Variants in LRP1B observed in about 807,000 individuals in gnomAD.
LRP1B encodes low-density lipoprotein receptor-related protein 1B.
In LRP1B, 217 loss-of-function variants were observed where a neutral mutation model predicts 556.6. The observed-to-expected ratio is 0.39, with a 90% confidence interval of 0.35 to 0.44. LRP1B has a LOEUF of 0.44. Among genes scored for constraint, LRP1B ranks in the 20% least tolerant of loss-of-function variants. LRP1B has a pLI of 1.00. For synonymous variants in LRP1B, 2,047 were observed against 1,865.8 expected, an observed-to-expected ratio of 1.10 and a Z score of -2.50; for missense variants, 5,053 against 5,620.8, an observed-to-expected ratio of 0.90 and a Z score of 3.23.
chr2:141,700,757 A>T (rs1383632391), intron 2 of LRP1B, among the ~76,000 whole-genome samples: 2 of 151,792 alleles, frequency 1.3e-5, no homozygotes, highest in African/African-American at 4.8e-5. Context: ...ATCCTCCTTT[A>T]AGGAGAACTT....
chr2:141,782,766 T>G (rs555591496), intron 2 of LRP1B, among the ~76,000 whole-genome samples: 9 of 152,162 alleles, frequency 5.9e-5, no homozygotes, highest in African/African-American at 1.7e-4. Flanking sequence ...GGTAAAGTAA[T>G]TGCACTGTCA....
chr2:140,710,748 G>C (rs1392223417), intron 37 of LRP1B, among the ~76,000 whole-genome samples: 1 of 151,926 alleles, frequency 6.6e-6, no homozygotes, highest in African/African-American at 2.4e-5. Context: ...AAACTGTCCT[G>C]GAGAAGGCAA....
intron 41 of LRP1B, among the ~76,000 whole-genome samples, chr2:140,686,591 C>T (rs1040080115): frequency 6.6e-6 from 1 of 151,698 alleles, no homozygotes; most frequent in African/African-American, 2.4e-5. Context: ...GGAGGGGTTC[C>T]AATTTGAGGT....
rs574636487 is a variant in LRP1B at position 141,144,904 on chromosome 2, C to G, written c.1013+43517G>C. Among the ~76,000 whole-genome samples, 5 of 152,318 alleles carry G rather than the reference C, an allele frequency of 3.3e-5. No individual in the cohort carries two copies. The South Asian group carries it at 8.3e-4, about 25-fold the overall frequency. ...AATGAACATGCACTCGATTAACTAA[C>G]TACAGACTAAATGGAAAATGGTTCT... On this transcript the variant is annotated intron_variant, in intron 7 of 90. Transcript: ENST00000389484.
intron 7 of LRP1B, among the ~76,000 whole-genome samples, chr2:141,127,473 A>G (rs1701244164): frequency 6.6e-6 from 1 of 152,178 alleles, no homozygotes; most frequent in African/African-American, 2.4e-5. Context: ...ACAATAGTAA[A>G]GACTTGGAAC....
chr2:141,984,353 G>A (rs1702125686), intron 1 of LRP1B, among the ~76,000 whole-genome samples: 2 of 136,304 alleles, frequency 1.5e-5, no homozygotes, highest in South Asian at 5.1e-4. Context: ...TAAAGTTTGA[G>A]AGTACCAGGA....
At chr2:140,577,061 A>G (rs1310812357) in intron 43 of LRP1B, among the ~76,000 whole-genome samples, 1 of 139,474 alleles carries the variant, frequency 7.2e-6, no homozygotes, top group Non-Finnish European at 1.5e-5. Flanking sequence ...AAATAAAAAC[A>G]TTACCACACA....
intron 7 of LRP1B, among the ~76,000 whole-genome samples, chr2:141,115,813 G>A (rs1397401747): frequency 6.6e-6 from 1 of 152,004 alleles, no homozygotes; most frequent in East Asian, 1.9e-4. Context: ...GAGATGGGGT[G>A]TGGTTGGAAG....
intron 5 of LRP1B, among the ~76,000 whole-genome samples, chr2:141,245,336 A>T (rs1684027898): frequency 6.6e-6 from 1 of 152,216 alleles, no homozygotes; most frequent in African/African-American, 2.4e-5. Context: ...ATGTTTTCTA[A>T]ATAATTAACC....
chr2:142,007,510 C>T (rs978803914), intron 1 of LRP1B, among the ~76,000 whole-genome samples: 1 of 152,136 alleles, frequency 6.6e-6, no homozygotes, highest in African/African-American at 2.4e-5. Context: ...CTACAGAATA[C>T]GAATGGGTTC....
intron 1 of LRP1B, among the ~76,000 whole-genome samples, chr2:141,968,293 A>C (rs1213702194): frequency 4.0e-5 from 6 of 151,868 alleles, no homozygotes; most frequent in Non-Finnish European, 8.8e-5. Context: ...TGCAATTTTC[A>C]TGATTAATCA....
intron 27 of LRP1B, among the ~76,000 whole-genome samples, chr2:140,860,807 T>G (rs1239436386): frequency 6.6e-6 from 1 of 152,036 alleles, no homozygotes; most frequent in Non-Finnish European, 1.5e-5. Flanking sequence ...AAAACACCTT[T>G]GGGCTGAGTG....
At chr2:141,770,069 A>T (rs184712550) in intron 2 of LRP1B, among the ~76,000 whole-genome samples, 2 of 152,290 alleles carry the variant, frequency 1.3e-5, no homozygotes, top group Admixed American at 1.3e-4. Flanking sequence ...TCGGTCCTAA[A>T]ACATCATACT....
intron 2 of LRP1B, among the ~76,000 whole-genome samples, chr2:141,790,481 G>C (rs1695577695): frequency 6.6e-6 from 1 of 151,838 alleles, no homozygotes; most frequent in African/African-American, 2.4e-5. Flanking sequence ...GTAGGTAGGT[G>C]GCAACTGTTC....
chr2:141,868,337 T>C (rs533957918), intron 1 of LRP1B, among the ~76,000 whole-genome samples: 3 of 152,240 alleles, frequency 2.0e-5, no homozygotes, highest in African/African-American at 7.2e-5. Flanking sequence ...CTTGTGACTT[T>C]TGATTTACAT....
At chr2:140,393,936 G>A (rs1268814303) in intron 66 of LRP1B, among the ~76,000 whole-genome samples, 1 of 151,976 alleles carries the variant, frequency 6.6e-6, no homozygotes, top group African/African-American at 2.4e-5. Context: ...ATACAATTCT[G>A]TTCTCTCATT....
intron 2 of LRP1B, among the ~76,000 whole-genome samples, chr2:141,707,966 G>A (rs1302442489): frequency 6.6e-6 from 1 of 152,144 alleles, no homozygotes; most frequent in African/African-American, 2.4e-5. Flanking sequence ...TACATTTATA[G>A]CATCTTTGTG....
At chr2:141,292,974 G>T (rs1451128666) in intron 3 of LRP1B, among the ~76,000 whole-genome samples, 3 of 152,074 alleles carry the variant, frequency 2.0e-5, no homozygotes, top group African/African-American at 7.2e-5. Flanking sequence ...TCAATAGTAG[G>T]GGAAAGTGGG....
At chr2:140,323,779 A>G (rs564661736) in intron 81 of LRP1B, 114 bp downstream of exon 81, 1 of 481,040 alleles carries the variant, frequency 2.1e-6, no homozygotes, top group African/African-American at 2.0e-5. Flanking sequence ...AAAGTTACTT[A>G]AGTTACTGAG....
Sources: allele counts gnomAD v4.1 joint callset (sites outside exome capture counted in the v4.1 genomes callset), GRCh38; gene constraint gnomAD v4.1.1; transcripts MANE v1.5; gene names NCBI Gene and HGNC (gene_info 2026-07-23, HGNC 2026-07-21).